The following MAP3K9 variants were observed in gnomAD, a reference collection of about 807,000 sequenced individuals.
The protein encoded by MAP3K9 is mixed lineage kinase 1 (tyr and ser/thr specificity).
MAP3K9 carries 46 observed loss-of-function variants against 95.8 expected under a neutral mutation model. The ratio of observed to expected loss-of-function variants is 0.48; its 90% CI spans 0.38 to 0.61. MAP3K9 has a LOEUF of 0.61. Among genes scored for constraint, MAP3K9 ranks in the 20% least tolerant of loss-of-function variants. MAP3K9 has a pLI of 0.00. For missense variants in MAP3K9, 1,296 were observed against 1,474.3 expected (o/e 0.88, Z 1.98); for synonymous variants, 533 against 593.8 (o/e 0.90, Z 1.49).
intron 2 of MAP3K9, among the ~76,000 whole-genome samples, chr14:70,774,561 G>A (rs974946861): frequency 1.9e-4 from 29 of 152,226 alleles, no homozygotes; most frequent in African/African-American, 6.7e-4. Context: ...TACTCGGGAA[G>A]CTGAGGCAGG....
chr14:70,742,739 G>T, intron 5 of MAP3K9, 148 bp from the exon 6 acceptor site: 1 of 890,534 alleles, frequency 1.1e-6, no homozygotes, highest in Non-Finnish European at 1.7e-6. Context: ...CTCGATAGCT[G>T]GTAAATGAAC....
At chr14:70,789,364 A>G (rs748487980) in intron 2 of MAP3K9, among the ~76,000 whole-genome samples, 2 of 152,220 alleles carry the variant, frequency 1.3e-5, no homozygotes, top group Non-Finnish European at 2.9e-5. Context: ...ACCACTTTAA[A>G]AAGGGAAATT....
intron 3 of MAP3K9, among the ~76,000 whole-genome samples, chr14:70,754,310 C>T (rs143658518): frequency 2.8e-4 from 43 of 152,210 alleles, no homozygotes; most frequent in African/African-American, 1.0e-3. Flanking sequence ...ACTTTTAAAA[C>T]AGAAAGATCC....
chr14:70,808,549 G>A (rs1305291530), intron 1 of MAP3K9, among the ~76,000 whole-genome samples: 1 of 152,124 alleles, frequency 6.6e-6, no homozygotes, highest in Admixed American at 6.5e-5. Context: ...AGGTGAAGAA[G>A]CCCAAGCGTC....
chr14:70,794,585 TA>T (rs1200130510), intron 2 of MAP3K9, among the ~76,000 whole-genome samples: 7 of 151,952 alleles, frequency 4.6e-5, no homozygotes, highest in African/African-American at 1.7e-4. Flanking sequence ...GGCTATTATC[TA>T]GGGGTAAAAA....
intron 2 of MAP3K9, among the ~76,000 whole-genome samples, chr14:70,779,554 G>A (rs1219793469): frequency 4.6e-5 from 7 of 152,150 alleles, no homozygotes; most frequent in Non-Finnish European, 8.8e-5. Context: ...AATCTCACAG[G>A]AATATACTAG....
intron 1 of MAP3K9, among the ~76,000 whole-genome samples, chr14:70,804,896 C>G (rs1385602485): frequency 6.6e-6 from 1 of 152,078 alleles, no homozygotes; most frequent in Non-Finnish European, 1.5e-5. Context: ...AGATAAAAGA[C>G]AGAACCCAGA....
Position 70,754,660 on chromosome 14 carries a change from A to G in MAP3K9, c.1002-4579T>C, listed in dbSNP as rs556736642. Among the ~76,000 whole-genome samples, 5 of 152,100 alleles carry G rather than the reference A, an allele frequency of 3.3e-5. No homozygotes were observed. The East Asian group carries it at 9.7e-4, about 29-fold the overall frequency. Reference sequence around the variant, plus strand: ...CTAATTTTTTGTATTTTTAGTAGAGATGGGGTTTCACCATGTTAGCCAGGA... The same window carrying G: ...CTAATTTTTTGTATTTTTAGTAGAGGTGGGGTTTCACCATGTTAGCCAGGA... On this transcript the variant is annotated intron_variant, in intron 3 of 11. Coordinates refer to ENST00000554752, the MANE Select transcript of MAP3K9 (RefSeq NM_001284230.2).
intron 2 of MAP3K9, among the ~76,000 whole-genome samples, chr14:70,797,438 T>A (rs542992855): frequency 1.3e-5 from 2 of 151,148 alleles, no homozygotes; most frequent in East Asian, 1.9e-4. Flanking sequence ...ATAATAATAA[T>A]AAAATTTTTT....
intron 2 of MAP3K9, among the ~76,000 whole-genome samples, chr14:70,777,187 C>T (rs962798534): frequency 5.9e-5 from 9 of 152,152 alleles, no homozygotes; most frequent in African/African-American, 2.2e-4. Context: ...CCAATGCCCA[C>T]CTCAAAGGGG....
intron 2 of MAP3K9, among the ~76,000 whole-genome samples, chr14:70,762,247 T>C (rs1264985589): frequency 2.0e-5 from 3 of 152,174 alleles, no homozygotes; most frequent in African/African-American, 2.4e-5. Flanking sequence ...ATTTGGGGGG[T>C]ACAGATCTAG....
chr14:70,778,047 T>C (rs1428983101), intron 2 of MAP3K9, among the ~76,000 whole-genome samples: 1 of 152,134 alleles, frequency 6.6e-6, no homozygotes, highest in Non-Finnish European at 1.5e-5. Context: ...TAAAGGAAAC[T>C]AGGACGGAAC....
chr14:70,760,334 T>A (rs1314341254), intron 3 of MAP3K9, among the ~76,000 whole-genome samples: 3 of 151,968 alleles, frequency 2.0e-5, no homozygotes, highest in African/African-American at 7.3e-5. Flanking sequence ...CTGGGAAAAA[T>A]TTTAGATCTA....
chr14:70,782,529 TGGGA>T (rs2054693986), intron 2 of MAP3K9, among the ~76,000 whole-genome samples: 1 of 152,162 alleles, frequency 6.6e-6, no homozygotes, highest in African/African-American at 2.4e-5. Context: ...CTCGAAACAC[TGGGA>T]GTTGCCATTG....
At chr14:70,754,145 A>G (rs575046872) in intron 3 of MAP3K9, among the ~76,000 whole-genome samples, 1 of 152,362 alleles carries the variant, frequency 6.6e-6, no homozygotes, top group South Asian at 2.1e-4. Context: ...AATTGAAAGT[A>G]GCATATAATT....
chr14:70,798,532 G>A (rs1383845331), intron 2 of MAP3K9, among the ~76,000 whole-genome samples: 2 of 130,284 alleles, frequency 1.5e-5, no homozygotes, highest in Non-Finnish European at 3.1e-5. Flanking sequence ...AGGCTGGAGT[G>A]CAGTGGCGGG....
rs2053954988 is a variant in MAP3K9 at position 70,734,388 on chromosome 14, A to G, written c.2024T>C (p.Met675Thr). The G allele has an allele frequency of 1.9e-6, 3 of 1,610,530 alleles. No individual in the cohort carries two copies. Among genetic ancestry groups the G allele is most frequent in the Non-Finnish European group, 2.5e-6 (3 of 1,176,816 alleles). Reference sequence around the variant, plus strand: ...CTCTCAAGAGGAGCTATGCTTACCCATCTCCATAAGGCTGGTGAACCCTGG... The same window carrying G: ...CTCTCAAGAGGAGCTATGCTTACCCGTCTCCATAAGGCTGGTGAACCCTGG... ...ALPGFTSLMEMEDEDSEGPGS... is the reference protein window; with the variant it reads ...ALPGFTSLMETEDEDSEGPGS... Residue 675 changes from methionine to threonine, a missense_variant and splice_region_variant, in exon 10 of 12, where the codon ATG becomes ACG. Transcript: ENST00000554752.
intron 11 of MAP3K9, 64 bp from the exon 12 acceptor site, chr14:70,730,928 C>T: frequency 6.7e-7 from 1 of 1,493,748 alleles, no homozygotes; most frequent in East Asian, 2.3e-5. Flanking sequence ...TAGATATCCG[C>T]TACTCCCCCC....
Position 70,809,431 on chromosome 14 carries a change from G to A in MAP3K9, c.-260C>T. Reference sequence around the variant, plus strand: ...CGCCTGCCCGCTCGCCCCCCCGGGGGCGGCCTCGTCACCTCTGCCGCCGGT... The same window carrying A: ...CGCCTGCCCGCTCGCCCCCCCGGGGACGGCCTCGTCACCTCTGCCGCCGGT... On this transcript the variant is annotated 5_prime_UTR_variant, in exon 1 of 12. Coordinates refer to ENST00000554752, the MANE Select transcript of MAP3K9 (RefSeq NM_001284230.2). The A allele has an allele frequency of 6.2e-6, 2 of 320,066 alleles. No individual in the cohort carries two copies. The highest frequency in any genetic ancestry group is 5.0e-5 in the East Asian group (1 of 19,910). 19.8% of individuals were successfully genotyped at this position (320,066 alleles called of 1,614,324 possible).
Sources: allele counts gnomAD v4.1 joint callset (sites outside exome capture counted in the v4.1 genomes callset), GRCh38; gene constraint gnomAD v4.1.1; transcripts MANE v1.5; gene names NCBI Gene and HGNC (gene_info 2026-07-23, HGNC 2026-07-21).